Variants in DCC observed in about 807,000 individuals in gnomAD.
DCC encodes the protein netrin receptor DCC.
In DCC, 58 loss-of-function variants were observed where a neutral mutation model predicts 172.5. The observed-to-expected ratio is 0.34, with a 90% CI of 0.27 to 0.42. DCC has a LOEUF of 0.42. DCC is among the 10% of genes least tolerant of loss of function. The probability of loss-of-function intolerance (pLI) is 1.00; values close to 1 mark genes in which losing one functional copy is unlikely to be tolerated. For synonymous variants in DCC, 709 were observed against 644.5 expected, an observed-to-expected ratio of 1.10 and a Z score of -1.52; for missense variants, 1,740 against 1,791.0, an observed-to-expected ratio of 0.97 and a Z score of 0.51.
At position 53,467,932 on chromosome 18, in the gene DCC, C is replaced by G; in HGVS notation, c.3658C>G (p.Leu1220Val). The change falls in exon 25 of 29, where the codon CTG becomes GTG. Residue 1220 changes from leucine to valine, a missense_variant. Around this residue, in one of 2 missense-constraint regions of DCC, gnomAD observed 1,732 missense variants for 1,767.4 expected, o/e 0.98. Transcript: ENST00000442544. Reference protein sequence around the residue: ...TEEAGSSMSTLERSLAARRAP... With the variant: ...TEEAGSSMSTVERSLAARRAP... Reference sequence around the variant, plus strand: ...GGAAGCAGGGAGCTCTATGTCCACTCTGGAGAGGTCGCTGGCTGCACGCCG... The same window carrying G: ...GGAAGCAGGGAGCTCTATGTCCACTGTGGAGAGGTCGCTGGCTGCACGCCG... 2 of 1,612,470 alleles carry G rather than the reference C, an allele frequency of 1.2e-6. No homozygotes were observed. The highest frequency in any genetic ancestry group is 1.7e-6 in the Non-Finnish European group (2 of 1,178,548).
intron 27 of DCC, among the ~76,000 whole-genome samples, chr18:53,508,211 T>TAGAC (rs1555680786): frequency 6.9e-6 from 1 of 144,882 alleles, no homozygotes; most frequent in South Asian, 2.2e-4. Flanking sequence ...ATTTTTTTTT[T>TAGAC]AGACAGTCTC....
chr18:52,439,973 G>T (rs542647483), intron 1 of DCC, among the ~76,000 whole-genome samples: 1 of 152,336 alleles, frequency 6.6e-6, no homozygotes, highest in East Asian at 1.9e-4. Context: ...TTCCCAGGAA[G>T]GAAGGCACAA....
At chr18:53,197,888 A>T (rs1291470649) in intron 9 of DCC, among the ~76,000 whole-genome samples, 1 of 152,132 alleles carries the variant, frequency 6.6e-6, no homozygotes, top group African/African-American at 2.4e-5. Flanking sequence ...ATTAATTCAT[A>T]TATGCTATGT....
chr18:52,972,490 C>A (rs1598986128), intron 5 of DCC, among the ~76,000 whole-genome samples: 1 of 149,602 alleles, frequency 6.7e-6, no homozygotes, highest in Admixed American at 6.7e-5. Flanking sequence ...AAGGGAAATA[C>A]ACGTAAGTGT....
chr18:53,137,544 C>T (rs1278918604), intron 7 of DCC, among the ~76,000 whole-genome samples: 1 of 152,194 alleles, frequency 6.6e-6, no homozygotes, highest in East Asian at 1.9e-4. Context: ...ACCACCTTTG[C>T]CATGTAATGT....
chr18:53,366,763 TTG>T (rs2058009280), intron 15 of DCC, among the ~76,000 whole-genome samples: 1 of 152,158 alleles, frequency 6.6e-6, no homozygotes, highest in Non-Finnish European at 1.5e-5. Flanking sequence ...TTGTGCATGG[TTG>T]TATGACTGAG....
intron 1 of DCC, among the ~76,000 whole-genome samples, chr18:52,467,003 C>T (rs1017232896): frequency 6.6e-6 from 1 of 151,714 alleles, no homozygotes; most frequent in Non-Finnish European, 1.5e-5. Flanking sequence ...TGTTCCAAAT[C>T]ACTCTTTGTG....
rs1050885217 is a variant in DCC, at chr18:52,772,850, T to C, written c.412+20476T>C. On this transcript the variant is annotated intron_variant, in intron 2 of 28. Transcript: ENST00000442544. The stretch of plus-strand genomic sequence containing the variant: ...AAAAGTTGAAGTTACAGTAGCACAG[T>C]ATACATGTTTCTCCTTCTTGCTTAT... Among the ~76,000 whole-genome samples, 7 of 152,344 alleles carry C rather than the reference T, an allele frequency of 4.6e-5. No individual in the cohort carries two copies. The South Asian group carries it at 1.0e-3, about 23-fold the overall frequency.
chr18:53,456,458 A>T (rs999306964), intron 23 of DCC, among the ~76,000 whole-genome samples: 49 of 152,194 alleles, frequency 3.2e-4, no homozygotes, highest in Non-Finnish European at 4.7e-4. Flanking sequence ...GAGGGAAAAG[A>T]TACATTTGGT....
intron 2 of DCC, among the ~76,000 whole-genome samples, chr18:52,901,168 C>T (rs2039803671): frequency 6.6e-6 from 1 of 152,266 alleles, no homozygotes; most frequent in African/African-American, 2.4e-5. Flanking sequence ...TACAGTGACT[C>T]ACGCCTGTGA....
At position 52,669,349 on chromosome 18, in the gene DCC, A is replaced by G. The variant is rs2035511108; in HGVS notation, c.92-82705A>G. Among the ~76,000 whole-genome samples, 6 of 152,290 alleles carry G rather than the reference A, an allele frequency of 3.9e-5. No individual in the cohort carries two copies. In the South Asian group the frequency reaches 1.2e-3, roughly 32 times the overall value. ...CAGGACTCCTAAACCATAATTTCTA[A>G]TCTTGTGGCTAATTTGTTATTCCTA... On this transcript the variant is annotated intron_variant, in intron 1 of 28. Coordinates refer to ENST00000442544, the MANE Select transcript of DCC (RefSeq NM_005215.4).
At chr18:52,750,828 A>C (rs1231691644) in intron 1 of DCC, among the ~76,000 whole-genome samples, 2 of 152,214 alleles carry the variant, frequency 1.3e-5, no homozygotes, top group East Asian at 1.9e-4. Context: ...ATGATTTTAC[A>C]AAGTACAACG....
intron 2 of DCC, among the ~76,000 whole-genome samples, chr18:52,880,876 C>T (rs1162840254): frequency 6.6e-6 from 1 of 152,040 alleles, no homozygotes; most frequent in Admixed American, 6.6e-5. Flanking sequence ...GGTATATATG[C>T]AGTAGTGGGA....
At chr18:52,420,546 A>C (rs901962547) in intron 1 of DCC, among the ~76,000 whole-genome samples, 1 of 152,188 alleles carries the variant, frequency 6.6e-6, no homozygotes, top group African/African-American at 2.4e-5. Flanking sequence ...AATGATACCA[A>C]AGTTTGAGAA....
At chr18:53,511,851 T>C (rs111405292) in intron 27 of DCC, among the ~76,000 whole-genome samples, 77 of 152,214 alleles carry the variant, frequency 5.1e-4, no homozygotes, top group Middle Eastern at 3.4e-3. Flanking sequence ...AGCACGGCAG[T>C]CTGAGATCAA....
At chr18:52,498,343 G>A (rs1598866431) in intron 1 of DCC, among the ~76,000 whole-genome samples, 1 of 152,106 alleles carries the variant, frequency 6.6e-6, no homozygotes, top group East Asian at 1.9e-4. Context: ...ATGGATACTG[G>A]CCAGGCACAG....
intron 2 of DCC, among the ~76,000 whole-genome samples, chr18:52,772,114 T>G (rs1488910553): frequency 5.3e-5 from 8 of 152,226 alleles, no homozygotes; most frequent in Admixed American, 5.2e-4. Flanking sequence ...CATTTTTGAT[T>G]CTTGGAAGCT....
chr18:53,192,913 T>C (rs561537996), intron 9 of DCC, among the ~76,000 whole-genome samples: 2 of 152,292 alleles, frequency 1.3e-5, no homozygotes, highest in Admixed American at 6.5e-5. Flanking sequence ...GCTATGCAAA[T>C]CTGTATTGCA....
chr18:53,121,863 C>G (rs1204592058), intron 7 of DCC, among the ~76,000 whole-genome samples: 2 of 151,882 alleles, frequency 1.3e-5, no homozygotes, highest in Non-Finnish European at 2.9e-5. Context: ...AAAGCTTACT[C>G]TGTACTTAAT....
Sources: gnomAD v4.1 joint callset for allele counts (sites outside exome capture counted in the v4.1 genomes callset) on GRCh38, gnomAD v4.1.1 for gene constraint, gnomAD v4.1.1 regional missense constraint, MANE v1.5 for transcripts, NCBI Gene and HGNC (gene_info 2026-07-23, HGNC 2026-07-21) for gene names.